Variants in SLC35F4 observed in about 807,000 individuals in gnomAD.
The protein encoded by SLC35F4 is chromosome 14 open reading frame 36.
SLC35F4 carries 24 observed loss-of-function variants against 44.2 expected under a neutral mutation model. The ratio of observed to expected loss-of-function variants is 0.54; its 90% CI spans 0.39 to 0.76. The LOEUF is 0.76. Among genes scored for constraint, SLC35F4 ranks in the 30% least tolerant of loss-of-function variants. The pLI, the probability that SLC35F4 is intolerant of heterozygous loss-of-function variation, is 0.00. For synonymous variants in SLC35F4, 238 were observed against 223.6 expected, an observed-to-expected ratio of 1.06 and a Z score of -0.57; for missense variants, 562 against 586.1, an observed-to-expected ratio of 0.96 and a Z score of 0.42.
At chr14:57,946,469 C>CTTTTTTTTTTTTTTTTTTTTTTTTTT (rs71104596) in intron 1 of SLC35F4, among the ~76,000 whole-genome samples, 4 of 78,214 alleles carry the variant, frequency 5.1e-5, no homozygotes, top group African/African-American at 5.8e-5. Flanking sequence ...GTTTTCTTTT[C>CTTTTTTTTTTTTTTTTTTTTTTTTTT]TTTTTTTTTT....
chr14:57,849,941 A>G (rs184887693), intron 1 of SLC35F4, among the ~76,000 whole-genome samples: 1 of 152,338 alleles, frequency 6.6e-6, no homozygotes, highest in East Asian at 1.9e-4. Context: ...TAAAGGATAC[A>G]CTGGTTTGCA....
chr14:57,776,809 A>T (rs1462535137), intron 1 of SLC35F4, among the ~76,000 whole-genome samples: 1 of 152,314 alleles, frequency 6.6e-6, no homozygotes, highest in Middle Eastern at 3.4e-3. Context: ...CAAGATTCTT[A>T]AAGAAAATAA....
intron 1 of SLC35F4, among the ~76,000 whole-genome samples, chr14:57,722,563 T>A (rs149735005): frequency 7.2e-5 from 11 of 152,166 alleles, no homozygotes; most frequent in African/African-American, 2.7e-4. Flanking sequence ...AAAATTTAAC[T>A]GCAATGGGAG....
chr14:57,870,392 G>A, upstream of SLC35F4, among the ~76,000 whole-genome samples: 1 of 152,068 alleles, frequency 6.6e-6, no homozygotes, highest in South Asian at 2.1e-4. Flanking sequence ...CTAGCTGCGT[G>A]ACCTTGGGTA....
At chr14:57,589,571 A>G in intron 2 of SLC35F4, 58 bp from the exon 3 acceptor site, 2 of 1,479,156 alleles carry the variant, frequency 1.4e-6, no homozygotes, top group Non-Finnish European at 1.8e-6. Context: ...CAGCAATCAA[A>G]TATATCAGCT....
At chr14:57,924,879 T>G (rs968742787) in intron 1 of SLC35F4, among the ~76,000 whole-genome samples, 2 of 152,126 alleles carry the variant, frequency 1.3e-5, no homozygotes, top group Non-Finnish European at 2.9e-5. Flanking sequence ...ACTCCTGGAC[T>G]CAAGCAAGTT....
chr14:57,803,213 A>G (rs1282341028), intron 1 of SLC35F4, among the ~76,000 whole-genome samples: 5 of 152,214 alleles, frequency 3.3e-5, no homozygotes, highest in African/African-American at 9.7e-5. Context: ...CCACACGATT[A>G]TCTCAATAGA....
chr14:57,658,564 G>T (rs532166913), intron 1 of SLC35F4, among the ~76,000 whole-genome samples: 13 of 152,276 alleles, frequency 8.5e-5, no homozygotes, highest in African/African-American at 3.1e-4. Flanking sequence ...AATCTGTCAG[G>T]TTCCAAGGGA....
At chr14:57,630,611 T>G (rs1162874448) in intron 1 of SLC35F4, 1 of 823,020 alleles carries the variant, frequency 1.2e-6, no homozygotes, top group East Asian at 2.6e-5. Context: ...GATCCAAATC[T>G]CAGTCAAAAT....
At chr14:57,758,633 G>A (rs2077051942) in intron 1 of SLC35F4, among the ~76,000 whole-genome samples, 1 of 151,912 alleles carries the variant, frequency 6.6e-6, no homozygotes, top group African/African-American at 2.4e-5. Flanking sequence ...TAATGTCTGT[G>A]TCAGTTTTCT....
intron 7 of SLC35F4, among the ~76,000 whole-genome samples, chr14:57,565,046 T>C (rs1032559467): frequency 9.2e-5 from 14 of 152,216 alleles, no homozygotes; most frequent in Admixed American, 8.5e-4. Context: ...TTGAGGTCCA[T>C]CCATGTTGTA....
intron 1 of SLC35F4, among the ~76,000 whole-genome samples, chr14:57,803,833 G>A (rs755429192): frequency 2.0e-5 from 3 of 151,776 alleles, no homozygotes; most frequent in African/African-American, 4.8e-5. Context: ...CAGGTGATCC[G>A]CCCACTTCAG....
intron 1 of SLC35F4, among the ~76,000 whole-genome samples, chr14:57,893,242 C>G (rs1383826642): frequency 1.3e-5 from 2 of 152,046 alleles, no homozygotes; most frequent in African/African-American, 4.8e-5. Flanking sequence ...TTTGGCTAGC[C>G]CTCACTGTCT....
At chr14:57,902,575 A>AAGAAG (rs35482243) in intron 1 of SLC35F4, among the ~76,000 whole-genome samples, 17 of 149,996 alleles carry the variant, frequency 1.1e-4, no homozygotes, top group African/African-American at 2.5e-4. Flanking sequence ...AAAAAAAAAA[A>AAGAAG]AAGAAGAAGA....
At chr14:57,716,658 T>A (rs1036782182) in intron 1 of SLC35F4, among the ~76,000 whole-genome samples, 2 of 152,350 alleles carry the variant, frequency 1.3e-5, no homozygotes, top group African/African-American at 2.4e-5. Context: ...GATATTTCAA[T>A]ACATGCAATG....
At chr14:57,850,829 G>A (rs996079271) in intron 1 of SLC35F4, among the ~76,000 whole-genome samples, 3 of 152,264 alleles carry the variant, frequency 2.0e-5, no homozygotes, top group African/African-American at 4.8e-5. Context: ...ACATTGAAAC[G>A]GATTCATCAT....
In SLC35F4 at chr14:57,638,891, G is replaced by T. The variant is rs572399229; in HGVS notation, c.104-44767C>A. Among the ~76,000 whole-genome samples the T allele has an allele frequency of 3.9e-5, 6 of 152,240 alleles. No homozygotes were observed. In the South Asian group the frequency reaches 1.2e-3, roughly 32 times the overall value. On this transcript the variant is annotated intron_variant, in intron 1 of 7. Coordinates refer to ENST00000556826, the MANE Select transcript of SLC35F4 (RefSeq NM_001306087.2). The stretch of plus-strand genomic sequence containing the variant: ...CCTCTTGAGAGAATGCAAGCCTAGA[G>T]TTAGGGTCATCTTTGCCACATACAT...
intron 1 of SLC35F4, among the ~76,000 whole-genome samples, chr14:57,941,239 A>G (rs929243430): frequency 6.6e-6 from 1 of 152,240 alleles, no homozygotes; most frequent in Non-Finnish European, 1.5e-5. Flanking sequence ...CCTGTACACA[A>G]ATATTCACAG....
intron 1 of SLC35F4, among the ~76,000 whole-genome samples, chr14:57,619,030 G>A (rs559001929): frequency 1.1e-4 from 16 of 152,230 alleles, no homozygotes; most frequent in African/African-American, 3.1e-4. Flanking sequence ...AAAAAAAGGC[G>A]GCAGCTCCAG....
Sources: gnomAD v4.1 joint callset for allele counts (sites outside exome capture counted in the v4.1 genomes callset) on GRCh38, gnomAD v4.1.1 for gene constraint, MANE v1.5 for transcripts, NCBI Gene and HGNC (gene_info 2026-07-23, HGNC 2026-07-21) for gene names.